Variants in SDK1 observed in about 807,000 individuals in gnomAD.
SDK1 encodes protein sidekick-1.
In SDK1, 157 loss-of-function variants were observed where a neutral mutation model predicts 245.5. That is an observed-to-expected ratio of 0.64 (90% CI 0.56 to 0.73). SDK1 has a LOEUF of 0.73. SDK1 is among the 30% of genes least tolerant of loss of function. The pLI is 0.00. For synonymous variants in SDK1, 1,647 were observed against 1,278.5 expected, an observed-to-expected ratio of 1.29 and a Z score of -6.15; for missense variants, 3,583 against 3,002.3, an observed-to-expected ratio of 1.19 and a Z score of -4.52.
At chr7:4,007,085 T>A (rs1403635792) in intron 14 of SDK1, among the ~76,000 whole-genome samples, 1 of 152,246 alleles carries the variant, frequency 6.6e-6, no homozygotes, top group Non-Finnish European at 1.5e-5. Flanking sequence ...GACACTGTGA[T>A]GTCTGAAGGA....
chr7:3,925,126 C>G (rs373965078), intron 5 of SDK1, among the ~76,000 whole-genome samples: 151 of 152,180 alleles, frequency 9.9e-4, no homozygotes, highest in African/African-American at 3.5e-3. Flanking sequence ...CCAGACACCC[C>G]ACTCCAGGAA....
intron 4 of SDK1, among the ~76,000 whole-genome samples, chr7:3,811,973 T>C (rs1189462921): frequency 1.3e-5 from 2 of 152,222 alleles, no homozygotes; most frequent in African/African-American, 4.8e-5. Context: ...GCGTATCTAC[T>C]TTTCCTCTAA....
chr7:3,400,521 A>G (rs1409047211), intron 1 of SDK1, among the ~76,000 whole-genome samples: 2 of 152,172 alleles, frequency 1.3e-5, no homozygotes, highest in African/African-American at 4.8e-5. Flanking sequence ...AATGAAAAGA[A>G]CGTATGTACT....
At chr7:4,143,134 A>G (rs887703807) in intron 28 of SDK1, among the ~76,000 whole-genome samples, 1 of 152,114 alleles carries the variant, frequency 6.6e-6, no homozygotes, top group Non-Finnish European at 1.5e-5. Flanking sequence ...GGGCTTGGCC[A>G]TGTCTGTTCT....
Position 3,971,537 on chromosome 7 carries a change from GGT to G in SDK1, c.1788_1789del (p.Ala597HisfsTer3). The G allele has an allele frequency of 6.2e-7, 1 of 1,613,492 alleles. No homozygotes were observed. The highest frequency in any genetic ancestry group is 8.5e-7 in the Non-Finnish European group (1 of 1,179,726). On this transcript the variant is annotated frameshift_variant, in exon 12 of 45. Transcript: ENST00000404826. LOFTEE classifies it high-confidence loss of function. ...IKGTTATLHCGATHDPRVSLR... is the reference protein window; with the variant it reads ...IKGTTATLHCXATHDPRVSLR... ...GGGGACCACGGCCACGCTGCACTGT[GGT>G]GCCACACATGACCCCCGGGTTTCAC...
intron 4 of SDK1, among the ~76,000 whole-genome samples, chr7:3,678,046 C>G (rs912958408): frequency 4.6e-5 from 7 of 152,218 alleles, no homozygotes; most frequent in Non-Finnish European, 7.3e-5. Context: ...CAAACCACAG[C>G]AGGTCATGAC....
intron 1 of SDK1, among the ~76,000 whole-genome samples, chr7:3,435,496 AATT>A (rs1227851622): frequency 6.6e-6 from 1 of 150,544 alleles, no homozygotes; most frequent in Non-Finnish European, 1.5e-5. Flanking sequence ...ACGCCCAGCT[AATT>A]ATTATGATTA....
In SDK1 at chr7:3,901,050, G is replaced by A. The variant is rs1284083470; in HGVS notation, c.848-49873G>A. Among the ~76,000 whole-genome samples the A allele has an allele frequency of 7.2e-5, 11 of 151,966 alleles. No individual in the cohort carries two copies. In the South Asian group the frequency reaches 8.3e-4, roughly 11 times the overall value. On this transcript the variant is annotated intron_variant, in intron 5 of 44. Transcript: ENST00000404826. ...ACATCTCCTTACCCATAATCTAATC[G>A]TTCCCTGGCCTTTCATTTTTTCTCA...
At chr7:4,206,529 A>G (rs959146530) in intron 36 of SDK1, among the ~76,000 whole-genome samples, 8 of 152,194 alleles carry the variant, frequency 5.3e-5, no homozygotes, top group East Asian at 3.9e-4. Flanking sequence ...GAGAACCGCC[A>G]CGGTAACATG....
chr7:3,778,660 G>A lies in SDK1; in HGVS notation c.714-42790G>A, dbSNP rs140384195. On this transcript the variant is annotated intron_variant, in intron 4 of 44. Coordinates refer to ENST00000404826, the MANE Select transcript of SDK1 (RefSeq NM_152744.4). ...AGGTTGAAGTATTTTTAGATCAAAC[G>A]TGAATCCACCATGTTCCGTAAACTA... Among the ~76,000 whole-genome samples, 21 of 152,328 alleles carry A rather than the reference G, an allele frequency of 1.4e-4. No homozygotes were observed. In the East Asian group the frequency reaches 3.5e-3, roughly 25 times the overall value.
intron 2 of SDK1, among the ~76,000 whole-genome samples, chr7:3,635,788 C>T (rs1353179713): frequency 6.6e-6 from 1 of 152,138 alleles, no homozygotes; most frequent in Admixed American, 6.5e-5. Flanking sequence ...CTCACTGCAA[C>T]CTCCACCTCC....
intron 1 of SDK1, among the ~76,000 whole-genome samples, chr7:3,606,687 C>G (rs939798222): frequency 5.9e-5 from 9 of 152,220 alleles, no homozygotes; most frequent in Admixed American, 2.6e-4. Context: ...TCAGATACCC[C>G]GTTCTCAACG....
At chr7:3,729,118 A>G (rs1482073860) in intron 4 of SDK1, among the ~76,000 whole-genome samples, 1 of 152,160 alleles carries the variant, frequency 6.6e-6, no homozygotes. Flanking sequence ...GAGGATGTTT[A>G]TATTTATTTT....
intron 8 of SDK1, among the ~76,000 whole-genome samples, chr7:3,960,505 G>A (rs1482623762): frequency 6.6e-6 from 1 of 152,218 alleles, no homozygotes; most frequent in African/African-American, 2.4e-5. Flanking sequence ...TTCCAGTGCT[G>A]TGCCACCCTT....
At position 3,734,131 on chromosome 7, in the gene SDK1, G is replaced by A. The variant is rs115071592; in HGVS notation, c.714-87319G>A. Among the ~76,000 whole-genome samples, 1,179 of 152,262 alleles carry A rather than the reference G, an allele frequency of 7.7e-3. 19 individuals carry two copies. The highest frequency in any genetic ancestry group is 0.027 in the African/African-American group (1,118 of 41,538). On this transcript the variant is annotated intron_variant, in intron 4 of 44. Transcript: ENST00000404826. ...ACACATCTCATCTTCTTCATGGCAG[G>A]TAATTGGAATCAAGGAGCTATAGTT...
At chr7:4,134,267 C>G (rs184152801) in intron 28 of SDK1, among the ~76,000 whole-genome samples, 1 of 152,224 alleles carries the variant, frequency 6.6e-6, no homozygotes, top group Non-Finnish European at 1.5e-5. Flanking sequence ...ATTTCTCAAT[C>G]AGGTGACCTT....
At chr7:3,582,684 A>G (rs1035047958) in intron 1 of SDK1, among the ~76,000 whole-genome samples, 6 of 29,928 alleles carry the variant, frequency 2.0e-4, no homozygotes, top group Non-Finnish European at 4.1e-4. Context: ...AAACTAAAGT[A>G]AAAAAAAAAA....
chr7:3,679,313 TC>T (rs1784022766), intron 4 of SDK1, among the ~76,000 whole-genome samples: 1 of 151,644 alleles, frequency 6.6e-6, no homozygotes, highest in Non-Finnish European at 1.5e-5. Flanking sequence ...ATGCCTGTAA[TC>T]CCAGCACTTT....
intron 5 of SDK1, among the ~76,000 whole-genome samples, chr7:3,836,168 C>T (rs549874993): frequency 1.1e-4 from 16 of 152,336 alleles, no homozygotes; most frequent in Admixed American, 9.8e-4. Context: ...CGTGGAATAA[C>T]ACTCGTGTTC....
Sources: allele counts gnomAD v4.1 joint callset (sites outside exome capture counted in the v4.1 genomes callset), GRCh38; gene constraint gnomAD v4.1.1; transcripts MANE v1.5; gene names NCBI Gene and HGNC (gene_info 2026-07-23, HGNC 2026-07-21).